Variants in LOC128462377 observed in about 807,000 individuals in gnomAD.
At chr16:89,383,667 G>A in the LOC128462377 span, among the ~76,000 whole-genome samples, 3 of 151,596 alleles carry the variant, frequency 2.0e-5, no homozygotes, top group Non-Finnish European at 2.9e-5. Flanking sequence ...CCCTACCCTC[G>A]GACCAGCAAC....
the LOC128462377 span, chr16:89,323,451 G>A: frequency 2.5e-6 from 1 of 406,638 alleles, no homozygotes; most frequent in Non-Finnish European, 4.0e-6. Context: ...GCCGAGGGCA[G>A]GGGGGCAGAG....
the LOC128462377 span, among the ~76,000 whole-genome samples, chr16:89,321,914 AAGCCATTCGTGG>A: frequency 1.1e-4 from 17 of 152,248 alleles, no homozygotes; most frequent in Non-Finnish European, 2.2e-4. Context: ...CGGAGGACGA[AAGCCATTCGTGG>A]AGACCCGCTG....
At chr16:89,347,732 T>C in the LOC128462377 span, among the ~76,000 whole-genome samples, 4 of 152,200 alleles carry the variant, frequency 2.6e-5, no homozygotes, top group African/African-American at 7.2e-5. Context: ...TAATAAAGGT[T>C]ACTTTTTAAA....
the LOC128462377 span, among the ~76,000 whole-genome samples, chr16:89,379,763 G>C: frequency 6.6e-6 from 1 of 152,244 alleles, no homozygotes; most frequent in South Asian, 2.1e-4. Flanking sequence ...AAAGAACTTG[G>C]ACTGAGTACA....
chr16:89,389,069 C>A, the LOC128462377 span, among the ~76,000 whole-genome samples: 1 of 152,184 alleles, frequency 6.6e-6, no homozygotes, highest in Non-Finnish European at 1.5e-5. Context: ...AATAGGACAG[C>A]AATGGATTAC....
At chr16:89,379,435 C>T in the LOC128462377 span, among the ~76,000 whole-genome samples, 3 of 152,214 alleles carry the variant, frequency 2.0e-5, no homozygotes, top group Admixed American at 2.0e-4. Context: ...TGCTCCACAC[C>T]CTGTCAGGGC....
chr16:89,366,227 G>A, the LOC128462377 span, among the ~76,000 whole-genome samples: 4 of 151,008 alleles, frequency 2.6e-5, no homozygotes, highest in Admixed American at 1.3e-4. Flanking sequence ...TATCCAATCC[G>A]TCACTGATAG....
the LOC128462377 span, among the ~76,000 whole-genome samples, chr16:89,368,017 CAAAA>C: frequency 6.6e-6 from 1 of 151,922 alleles, no homozygotes; most frequent in South Asian, 2.1e-4. Flanking sequence ...AAACAAAAAA[CAAAA>C]AAAGAAATTG....
chr16:89,410,485 G>C, the LOC128462377 span, among the ~76,000 whole-genome samples: 74 of 152,260 alleles, frequency 4.9e-4, no homozygotes, highest in Non-Finnish European at 1.0e-3. Context: ...GCAGAGCTGA[G>C]GCTGTCAGGA....
At chr16:89,324,440 T>C in the LOC128462377 span, 6 of 462,872 alleles carry the variant, frequency 1.3e-5, no homozygotes, top group Middle Eastern at 3.2e-4. Context: ...AAGGTAAGTG[T>C]GAGGGTTACT....
chr16:89,374,999 TA>T, the LOC128462377 span, among the ~76,000 whole-genome samples: 1 of 152,080 alleles, frequency 6.6e-6, no homozygotes, highest in Non-Finnish European at 1.5e-5. Context: ...TTTCCTACCA[TA>T]AACTATACAC....
At chr16:89,410,113 A>T in the LOC128462377 span, among the ~76,000 whole-genome samples, 3 of 152,274 alleles carry the variant, frequency 2.0e-5, no homozygotes, top group Admixed American at 2.0e-4. Context: ...TGCTGGGATT[A>T]CAGGCGTGAG....
chr16:89,326,779 G>A, the LOC128462377 span, among the ~76,000 whole-genome samples: 4 of 152,166 alleles, frequency 2.6e-5, no homozygotes, highest in South Asian at 2.1e-4. Flanking sequence ...AACACAACCG[G>A]GGCATGAAAA....
At chr16:89,338,982 C>T in the LOC128462377 span, among the ~76,000 whole-genome samples, 1 of 152,178 alleles carries the variant, frequency 6.6e-6, no homozygotes, top group Non-Finnish European at 1.5e-5. Context: ...CTCAAAGTCA[C>T]CACCGAGGGC....
chr16:89,409,039 G>A, the LOC128462377 span, among the ~76,000 whole-genome samples: 1 of 152,202 alleles, frequency 6.6e-6, no homozygotes, highest in Non-Finnish European at 1.5e-5. Context: ...AGCCACAGCA[G>A]AGAATTCAGA....
the LOC128462377 span, among the ~76,000 whole-genome samples, chr16:89,363,130 C>A: frequency 6.6e-6 from 1 of 152,106 alleles, no homozygotes; most frequent in African/African-American, 2.4e-5. Flanking sequence ...GGCACCAGGG[C>A]ACAAGCATTT....
the LOC128462377 span, among the ~76,000 whole-genome samples, chr16:89,409,171 C>T: frequency 3.3e-5 from 5 of 152,166 alleles, no homozygotes; most frequent in Non-Finnish European, 5.9e-5. Context: ...GTGAAGCCGA[C>T]GGTCTGAGGA....
the LOC128462377 span, among the ~76,000 whole-genome samples, chr16:89,334,558 G>T: frequency 1.3e-5 from 2 of 152,026 alleles, no homozygotes; most frequent in African/African-American, 4.8e-5. Context: ...GTGGGCATGC[G>T]GCATGCTATG....
At chr16:89,323,207 AACGG>A in the LOC128462377 span, 3 of 866,070 alleles carry the variant, frequency 3.5e-6, no homozygotes, top group East Asian at 1.9e-4. Context: ...AGAAGTCTCC[AACGG>A]ACTGAGCGGA....
Sources: gnomAD v4.1 joint callset for allele counts (sites outside exome capture counted in the v4.1 genomes callset) on GRCh38, gnomAD v4.1.1 for gene constraint, MANE v1.5 for transcripts.